The following GRIA1 variants were observed in gnomAD, a reference collection of about 807,000 sequenced individuals.
GRIA1 encodes glutamate receptor 1.
In GRIA1, 31 loss-of-function variants were observed where a neutral mutation model predicts 99.2. That is an observed-to-expected ratio of 0.31 (90% CI 0.23 to 0.42). The LOEUF (loss-of-function observed/expected upper bound fraction) is 0.42, where lower values mean the gene tolerates loss of function less well. Ranked by LOEUF, GRIA1 falls within the 10% of genes least tolerant of loss-of-function variation. The pLI, the probability that GRIA1 is intolerant of heterozygous loss-of-function variation, is 1.00. For synonymous variants in GRIA1, 438 were observed against 432.4 expected, an observed-to-expected ratio of 1.01 and a Z score of -0.16; for missense variants, 782 against 1,157.5, an observed-to-expected ratio of 0.68 and a Z score of 4.71.
At chr5:153,604,228 G>A (rs561078123) in intron 2 of GRIA1, among the ~76,000 whole-genome samples, 4 of 152,190 alleles carry the variant, frequency 2.6e-5, no homozygotes, top group Middle Eastern at 3.4e-3. Context: ...TAAAGTGGGT[G>A]ACCCCTAACT....
intron 13 of GRIA1, among the ~76,000 whole-genome samples, chr5:153,770,782 A>T (rs947429368): frequency 4.5e-4 from 68 of 152,230 alleles, no homozygotes; most frequent in African/African-American, 1.6e-3. Flanking sequence ...TTCTCCAGCA[A>T]CCTGAATTCT....
chr5:153,544,503 A>G (rs2220779), intron 2 of GRIA1, among the ~76,000 whole-genome samples: 70,685 of 152,062 alleles, frequency 0.46, 18,159 homozygotes, highest in Non-Finnish European at 0.59. Flanking sequence ...TCTATAATGA[A>G]ATGGTTTATT....
intron 5 of GRIA1, among the ~76,000 whole-genome samples, chr5:153,671,378 A>C (rs1756161481): frequency 6.6e-6 from 1 of 152,182 alleles, no homozygotes; most frequent in African/African-American, 2.4e-5. Flanking sequence ...TGTTCTTTTT[A>C]AAGTCTCTAA....
chr5:153,764,314 G>A, intron 11 of GRIA1, 120 bp from the exon 12 acceptor site: 1 of 713,270 alleles, frequency 1.4e-6, no homozygotes. Flanking sequence ...TGACAGATGA[G>A]AAGGGTGCAA....
rs552031587 is a variant in GRIA1 at position 153,761,452 on chromosome 5, C to A, written c.1824-2982C>A. ...CACTAATCATCAGGGAAATACAAAT[C>A]AAAACCACAGTGAGATATCACCTCA... is the stretch of plus-strand genomic sequence containing the variant. On this transcript the variant is annotated intron_variant, in intron 11 of 15. Coordinates refer to ENST00000285900, the MANE Select transcript of GRIA1 (RefSeq NM_000827.4). 6.8e-3 allele frequency among the ~76,000 whole-genome samples: 1,038 copies of A among 152,168 alleles called. 7 individuals carry two copies. Among genetic ancestry groups the A allele is most frequent in the African/African-American group, 0.023 (970 of 41,542 alleles).
rs1177228491 is a variant in GRIA1 at position 153,647,008 on chromosome 5, T to A, written c.301T>A (p.Cys101Ser). The A allele has an allele frequency of 3.1e-6, 5 of 1,613,862 alleles. No individual in the cohort carries two copies. The highest frequency in any genetic ancestry group is 4.2e-6 in the Non-Finnish European group (5 of 1,179,898). Residue 101 changes from cysteine to serine, a missense_variant, in exon 3 of 16, where the codon TGT becomes AGT. Physicochemically the swap from Cys to Ser is moderately radical, Grantham distance 112 (BLOSUM62 -1). Coordinates refer to ENST00000285900, the MANE Select transcript of GRIA1 (RefSeq NM_000827.4). ...GACTGTCAACATGCTGACCTCCTTT[T>A]GTGGGGCCCTCCACGTCTGCTTCAT... ...RRTVNMLTSF[C>S]GALHVCFITP...
At position 153,698,098 on chromosome 5, in the gene GRIA1, GC is replaced by G. The variant is rs1182345155; in HGVS notation, c.1190del (p.Ala397ValfsTer19). ...KFVPAATDAQAGGDNSSVQNR... is the reference protein window; with the variant it reads ...KFVPAATDAQXGGDNSSVQNR... ...TGTCCCTGCAGCCACCGATGCCCAA[GC>G]TGGGGGCGATAATTCAAGTGTTCAG... On this transcript the variant is annotated frameshift_variant, in exon 9 of 16. Transcript: ENST00000285900. LOFTEE classifies it high-confidence loss of function. The G allele has an allele frequency of 6.2e-7, 1 of 1,612,016 alleles. No individual in the cohort carries two copies.
At chr5:153,599,352 A>G (rs541610728) in intron 2 of GRIA1, among the ~76,000 whole-genome samples, 4 of 152,344 alleles carry the variant, frequency 2.6e-5, no homozygotes, top group South Asian at 2.1e-4. Context: ...AATTCACAAT[A>G]CTTATCCTAA....
At chr5:153,591,975 G>A (rs182390891) in intron 2 of GRIA1, among the ~76,000 whole-genome samples, 1 of 152,256 alleles carries the variant, frequency 6.6e-6, no homozygotes, top group Non-Finnish European at 1.5e-5. Flanking sequence ...AGTGTGTGAG[G>A]AGGGAAAGCA....
At chr5:153,714,024 C>T (rs544863046) in intron 11 of GRIA1, among the ~76,000 whole-genome samples, 5 of 152,184 alleles carry the variant, frequency 3.3e-5, no homozygotes, top group African/African-American at 1.2e-4. Context: ...CATCCCAATT[C>T]GATAGGCGAG....
At chr5:153,735,884 A>G (rs968403537) in intron 11 of GRIA1, among the ~76,000 whole-genome samples, 4 of 152,196 alleles carry the variant, frequency 2.6e-5, no homozygotes, top group African/African-American at 9.7e-5. Context: ...TGACAGGTGT[A>G]TGGAATGGAG....
chr5:153,576,843 T>C (rs1762565054), intron 2 of GRIA1, among the ~76,000 whole-genome samples: 1 of 152,202 alleles, frequency 6.6e-6, no homozygotes, highest in Admixed American at 6.5e-5. Context: ...ATAATTTAGG[T>C]TATAATTGTT....
chr5:153,529,463 T>C (rs888662600), intron 2 of GRIA1, among the ~76,000 whole-genome samples: 6 of 152,200 alleles, frequency 3.9e-5, no homozygotes, highest in African/African-American at 1.4e-4. Context: ...TCTCAAATAC[T>C]TGGTCAAAAG....
At chr5:153,550,928 G>A (rs1267689446) in intron 2 of GRIA1, among the ~76,000 whole-genome samples, 1 of 152,158 alleles carries the variant, frequency 6.6e-6, no homozygotes, top group Non-Finnish European at 1.5e-5. Context: ...TAGGGTACAT[G>A]TGCACAATGT....
intron 5 of GRIA1, among the ~76,000 whole-genome samples, chr5:153,666,961 C>A (rs767780288): frequency 6.6e-6 from 1 of 152,134 alleles, no homozygotes; most frequent in Non-Finnish European, 1.5e-5. Context: ...CTTTCTTGGT[C>A]TTCTATACTT....
At chr5:153,758,792 T>C (rs1168558370) in intron 11 of GRIA1, among the ~76,000 whole-genome samples, 1 of 151,982 alleles carries the variant, frequency 6.6e-6, no homozygotes, top group Non-Finnish European at 1.5e-5. Flanking sequence ...TAGAACAGTC[T>C]ACAGCATATA....
In GRIA1 at chr5:153,781,037, G is replaced by A. The variant is rs181964331; in HGVS notation, c.2270+10622G>A. 1.3e-3 allele frequency among the ~76,000 whole-genome samples: 196 copies of A among 152,276 alleles called. 1 individual carries two copies. The highest frequency in any genetic ancestry group is 4.4e-3 in the African/African-American group (184 of 41,550). On this transcript the variant is annotated intron_variant, in intron 13 of 15. Transcript: ENST00000285900. ...AGGGGTAGCCCTGAGCTGAACCCAT[G>A]CTGAGAAATTCCCAGCCATCTGTCC...
chr5:153,792,156 T>A (rs2149656412), intron 13 of GRIA1, among the ~76,000 whole-genome samples: 1 of 152,212 alleles, frequency 6.6e-6, no homozygotes, highest in South Asian at 2.1e-4. Flanking sequence ...TGAGGTGAAA[T>A]TTAATTAAAT....
intron 4 of GRIA1, among the ~76,000 whole-genome samples, chr5:153,654,520 A>C (rs908970918): frequency 1.3e-5 from 2 of 152,156 alleles, no homozygotes; most frequent in African/African-American, 4.8e-5. Flanking sequence ...AGTAACGAAG[A>C]ATTATTAATA....
Sources: allele counts gnomAD v4.1 joint callset (sites outside exome capture counted in the v4.1 genomes callset), GRCh38; gene constraint gnomAD v4.1.1; transcripts MANE v1.5; gene names NCBI Gene and HGNC (gene_info 2026-07-23, HGNC 2026-07-21).